CFAP299: variants seen among roughly 807,000 people sequenced by gnomAD.
CFAP299 encodes the protein cilia and flagella associated protein 299, also known as cilia- and flagella-associated protein 299.
In CFAP299, 21 loss-of-function variants were observed where a neutral mutation model predicts 27.0. The observed-to-expected ratio is 0.78, with a 90% CI of 0.55 to 1.12. CFAP299 has a LOEUF of 1.12. Ranked by LOEUF, CFAP299 falls within the 50% of genes most tolerant of loss-of-function variation. CFAP299 has a pLI of 0.00. For synonymous variants in CFAP299, 104 were observed against 98.1 expected (o/e 1.06, Z -0.36); for missense variants, 310 against 276.6 (o/e 1.12, Z -0.86).
intron 3 of CFAP299, among the ~76,000 whole-genome samples, chr4:80,672,670 T>A (rs1454140381): frequency 2.0e-5 from 3 of 152,210 alleles, no homozygotes; most frequent in Non-Finnish European, 2.9e-5. Context: ...AATTATTGCC[T>A]CAATTTCAGA....
chr4:80,587,113 A>G (rs1278702481), intron 3 of CFAP299, among the ~76,000 whole-genome samples: 1 of 152,032 alleles, frequency 6.6e-6, no homozygotes, highest in Non-Finnish European at 1.5e-5. Context: ...CTATTTTCCA[A>G]CTTTTATAAA....
intron 3 of CFAP299, among the ~76,000 whole-genome samples, chr4:80,677,203 C>T (rs148875077): frequency 1.6e-3 from 241 of 152,080 alleles, no homozygotes; most frequent in Non-Finnish European, 2.6e-3. Flanking sequence ...TCTTCATTCA[C>T]CCGTTGGTCA....
intron 3 of CFAP299, among the ~76,000 whole-genome samples, chr4:80,782,670 T>TA: frequency 7.8e-6 from 1 of 127,742 alleles, no homozygotes; most frequent in African/African-American, 2.9e-5. Flanking sequence ...TATTCATATA[T>TA]AATATACATA....
intron 2 of CFAP299, among the ~76,000 whole-genome samples, chr4:80,398,550 T>C (rs1488021899): frequency 6.6e-6 from 1 of 152,142 alleles, no homozygotes; most frequent in East Asian, 1.9e-4. Context: ...TCTACAACCA[T>C]CTGATCTTTG....
chr4:80,540,421 TACAAGAG>T (rs1733945834), intron 2 of CFAP299, among the ~76,000 whole-genome samples: 1 of 152,216 alleles, frequency 6.6e-6, no homozygotes, highest in Non-Finnish European at 1.5e-5. Context: ...TAAATAATGT[TACAAGAG>T]TACATTAATT....
chr4:80,945,141 T>G (rs1346812534), intron 5 of CFAP299, among the ~76,000 whole-genome samples: 1 of 151,738 alleles, frequency 6.6e-6, no homozygotes, highest in East Asian at 1.9e-4. Flanking sequence ...TAAGAAAGAG[T>G]TTAGGGGGAA....
upstream of CFAP299, among the ~76,000 whole-genome samples, chr4:80,332,309 A>G (rs1721971110): frequency 6.6e-6 from 1 of 152,208 alleles, no homozygotes. Context: ...AGGAAAGCCT[A>G]TAGCTAACAT....
In CFAP299 at chr4:80,762,120, G is replaced by A. The variant is rs569779062; in HGVS notation, c.334-107873G>A. 9.5e-4 allele frequency among the ~76,000 whole-genome samples: 143 copies of A among 150,670 alleles called. 1 individual carries two copies. The highest frequency in any genetic ancestry group is 1.5e-3 in the Non-Finnish European group (100 of 67,618). The stretch of plus-strand genomic sequence containing the variant: ...TACTCATGGTGCTAAATTTTATTTT[G>A]GTATAAAATAAATGAGAAATATATA... On this transcript the variant is annotated intron_variant, in intron 3 of 5. Transcript: ENST00000358105.
intron 2 of CFAP299, among the ~76,000 whole-genome samples, chr4:80,458,187 C>T (rs1478313910): frequency 2.0e-5 from 3 of 152,112 alleles, no homozygotes; most frequent in Admixed American, 6.5e-5. Context: ...AACAAATGGG[C>T]GCCCCCAAAA....
chr4:80,505,908 A>G (rs1732006805), intron 2 of CFAP299, among the ~76,000 whole-genome samples: 1 of 151,948 alleles, frequency 6.6e-6, no homozygotes, highest in Admixed American at 6.6e-5. Flanking sequence ...GCAGTGCTCT[A>G]TGATTATGGC....
chr4:80,755,074 A>G (rs1213624442), intron 3 of CFAP299, among the ~76,000 whole-genome samples: 5 of 152,140 alleles, frequency 3.3e-5, no homozygotes, highest in African/African-American at 1.2e-4. Context: ...AGGTTTTTCT[A>G]GGTGAATATT....
intron 2 of CFAP299, among the ~76,000 whole-genome samples, chr4:80,368,680 G>A (rs1363249498): frequency 2.0e-5 from 3 of 152,028 alleles, no homozygotes; most frequent in Admixed American, 1.3e-4. Context: ...TTTTATATAA[G>A]AATGGCTTTA....
chr4:80,621,406 C>A (rs1738599788), intron 3 of CFAP299, among the ~76,000 whole-genome samples: 2 of 152,090 alleles, frequency 1.3e-5, no homozygotes, highest in African/African-American at 2.4e-5. Context: ...TATTTTCATA[C>A]CTAAAATAAA....
intron 2 of CFAP299, among the ~76,000 whole-genome samples, chr4:80,476,025 A>C (rs898714385): frequency 1.3e-5 from 2 of 152,182 alleles, no homozygotes; most frequent in Non-Finnish European, 2.9e-5. Flanking sequence ...AGTTGTGTAA[A>C]ACACGATTCA....
intron 3 of CFAP299, among the ~76,000 whole-genome samples, chr4:80,808,983 TAAG>T (rs1729005243): frequency 6.6e-6 from 1 of 152,128 alleles, no homozygotes; most frequent in Admixed American, 6.6e-5. Flanking sequence ...CAGACCATCT[TAAG>T]TAGGGAGAAA....
At chr4:80,822,399 C>T (rs767876523) in intron 3 of CFAP299, among the ~76,000 whole-genome samples, 44 of 152,048 alleles carry the variant, frequency 2.9e-4, no homozygotes, top group Middle Eastern at 3.4e-3. Context: ...AGTGATAGAT[C>T]AAGGGTAATA....
At chr4:80,543,148 G>A (rs932042257) in intron 2 of CFAP299, among the ~76,000 whole-genome samples, 2 of 152,078 alleles carry the variant, frequency 1.3e-5, no homozygotes, top group African/African-American at 4.8e-5. Flanking sequence ...TCAACTACAC[G>A]CAACTGGCAC....
chr4:80,439,421 C>G (rs148750507), intron 2 of CFAP299, among the ~76,000 whole-genome samples: 1 of 152,200 alleles, frequency 6.6e-6, no homozygotes, highest in South Asian at 2.1e-4. Flanking sequence ...GGTAGGGCGT[C>G]ACCTCACCCG....
intron 3 of CFAP299, among the ~76,000 whole-genome samples, chr4:80,749,126 T>C (rs1451159679): frequency 6.6e-6 from 1 of 152,210 alleles, no homozygotes; most frequent in Non-Finnish European, 1.5e-5. Context: ...AAAGAGAATA[T>C]TCACCTGTAT....
Sources: gnomAD v4.1 joint callset for allele counts (sites outside exome capture counted in the v4.1 genomes callset) on GRCh38, gnomAD v4.1.1 for gene constraint, MANE v1.5 for transcripts, NCBI Gene and HGNC (gene_info 2026-07-23, HGNC 2026-07-21) for gene names.